The following CDH17 variants were observed in gnomAD, a reference collection of about 807,000 sequenced individuals.
CDH17 encodes cadherin 17, also known as cadherin-17.
In CDH17, 67 loss-of-function variants were observed where a neutral mutation model predicts 86.3. The observed-to-expected ratio is 0.78, with a 90% confidence interval of 0.64 to 0.95. CDH17 has a LOEUF of 0.95. Ranked by LOEUF, CDH17 falls within the 40% of genes least tolerant of loss-of-function variation. The pLI is 0.00. For missense variants in CDH17, 993 were observed against 1,017.6 expected (o/e 0.98, Z 0.33); for synonymous variants, 367 against 366.4 (o/e 1.00, Z -0.02).
chr8:94,190,585 AAG>A (rs1813669825), intron 2 of CDH17, among the ~76,000 whole-genome samples: 1 of 152,210 alleles, frequency 6.6e-6, no homozygotes, highest in South Asian at 2.1e-4. Context: ...TCAGGGGTGA[AAG>A]AGATTGAAAT....
chr8:94,151,152 C>T (rs868455880), intron 13 of CDH17, among the ~76,000 whole-genome samples: 3 of 151,992 alleles, frequency 2.0e-5, no homozygotes, highest in Non-Finnish European at 2.9e-5. Context: ...ACAACAGCAG[C>T]GAAAGATCTG....
intron 2 of CDH17, among the ~76,000 whole-genome samples, chr8:94,191,103 T>C (rs1813679710): frequency 6.6e-6 from 1 of 152,060 alleles, no homozygotes; most frequent in Non-Finnish European, 1.5e-5. Flanking sequence ...TTCTGGTTCA[T>C]GAAATGAGAG....
chr8:94,214,766 C>T (rs946667673), intron 1 of CDH17, among the ~76,000 whole-genome samples: 1 of 151,982 alleles, frequency 6.6e-6, no homozygotes, highest in African/African-American at 2.4e-5. Flanking sequence ...GACAAATGAA[C>T]TGTATCTAGA....
intron 15 of CDH17, among the ~76,000 whole-genome samples, chr8:94,133,277 T>C (rs1340873951): frequency 6.6e-6 from 1 of 152,194 alleles, no homozygotes; most frequent in Non-Finnish European, 1.5e-5. Context: ...TTCACGACAT[T>C]GATTCTTCCT....
At position 94,128,355 on chromosome 8, in the gene CDH17, C is replaced by G; in HGVS notation, c.2399-15G>C. 6.6e-7 allele frequency: 1 copy of G among 1,509,596 alleles called. No homozygotes were observed. The allele number at this position is 1,509,596 out of a possible 1,614,324, so 93.5% of individuals were successfully genotyped here. A position where few individuals can be genotyped will look rare whatever the true frequency, so the allele number is the denominator to read the frequency against. On this transcript the variant is annotated splice_polypyrimidine_tract_variant and intron_variant, in intron 17 of 17. Coordinates refer to ENST00000027335, the MANE Select transcript of CDH17 (RefSeq NM_004063.4). ...TAAAATTATACCTAAAAGAAAAAACCCAGGGTCAAATAAATGGGACCTTTT... is the reference window on the plus strand; with the variant it reads ...TAAAATTATACCTAAAAGAAAAAACGCAGGGTCAAATAAATGGGACCTTTT...
upstream of CDH17, among the ~76,000 whole-genome samples, chr8:94,212,002 G>A (rs1814128606): frequency 6.6e-6 from 1 of 152,194 alleles, no homozygotes; most frequent in African/African-American, 2.4e-5. Context: ...CACAGTTTTT[G>A]TTCCACATTT....
rs552607970 is a variant in CDH17 at position 94,195,255 on chromosome 8, G to A, written c.-20-550C>T. Among the ~76,000 whole-genome samples the A allele has an allele frequency of 5.9e-5, 9 of 152,170 alleles. No individual in the cohort carries two copies. The South Asian group carries it at 8.3e-4, about 14-fold the overall frequency. ...TGACTTCAGGTGATCTGCCTGCGTCGGCCTCCCAAAGTGCTGGGATTACAG... is the reference window on the plus strand; with the variant it reads ...TGACTTCAGGTGATCTGCCTGCGTCAGCCTCCCAAAGTGCTGGGATTACAG... On this transcript the variant is annotated intron_variant, in intron 1 of 17. Transcript: ENST00000027335.
At chr8:94,199,461 A>AT (rs5893273) in intron 1 of CDH17, among the ~76,000 whole-genome samples, 58,108 of 148,288 alleles carry the variant, frequency 0.39, 11,475 homozygotes, top group Non-Finnish European at 0.46. Context: ...TCTTGAACTA[A>AT]TTTTTTTTTT....
intron 3 of CDH17, among the ~76,000 whole-genome samples, chr8:94,183,493 A>C (rs890038485): frequency 6.6e-6 from 1 of 152,148 alleles, no homozygotes. Context: ...AAATGGTGCT[A>C]GAACAACTGG....
intron 14 of CDH17, 23 bp downstream of exon 14, chr8:94,148,714 TTTTTTTG>T (rs1812796429): frequency 1.4e-4 from 200 of 1,407,032 alleles, no homozygotes; most frequent in East Asian, 3.3e-4. Context: ...TGTGTTCCTT[TTTTTTTG>T]TTTTTTTTTT....
At chr8:94,160,804 C>T (rs1383570382) in intron 11 of CDH17, among the ~76,000 whole-genome samples, 2 of 152,176 alleles carry the variant, frequency 1.3e-5, no homozygotes, top group Non-Finnish European at 2.9e-5. Context: ...CAACAAAACA[C>T]CTTACGGAGT....
chr8:94,153,945 T>C (rs1812902645), intron 12 of CDH17, among the ~76,000 whole-genome samples: 1 of 152,166 alleles, frequency 6.6e-6, no homozygotes, highest in South Asian at 2.1e-4. Context: ...TTAGAAGGAA[T>C]GAGTTTAAAA....
chr8:94,148,550 A>AG (rs1355231325), intron 14 of CDH17, among the ~76,000 whole-genome samples, 194 bp downstream of exon 14: 87 of 139,816 alleles, frequency 6.2e-4, no homozygotes, highest in African/African-American at 2.5e-3. Flanking sequence ...TCAAAAAAAA[A>AG]AAAAAAAAAA....
intron 15 of CDH17, among the ~76,000 whole-genome samples, 189 bp from the exon 16 acceptor site, chr8:94,131,181 TA>T: frequency 6.6e-6 from 1 of 152,208 alleles, no homozygotes; most frequent in South Asian, 2.1e-4. Context: ...AAGCATCCTT[TA>T]AGTTCTTAAT....
intron 13 of CDH17, among the ~76,000 whole-genome samples, chr8:94,149,498 T>C (rs1393017492): frequency 6.6e-6 from 1 of 152,140 alleles, no homozygotes; most frequent in Non-Finnish European, 1.5e-5. Context: ...GGGGGCCCTA[T>C]GGAATCCAAG....
chr8:94,188,000 A>G (rs758712882), intron 3 of CDH17, among the ~76,000 whole-genome samples: 7 of 152,140 alleles, frequency 4.6e-5, no homozygotes, highest in Non-Finnish European at 7.4e-5. Flanking sequence ...GCTGGTACCA[A>G]TGAAAGAAAG....
intron 15 of CDH17, among the ~76,000 whole-genome samples, chr8:94,143,277 G>C (rs1458124480): frequency 6.6e-6 from 1 of 152,138 alleles, no homozygotes; most frequent in East Asian, 1.9e-4. Context: ...AATATGTTGA[G>C]AGGAATCTTT....
chr8:94,160,055 A>T lies in CDH17; in HGVS notation c.1467T>A (p.Tyr489Ter). ...EPFTGSSKILYHIIKGDSEGR... is the reference protein window; with the variant it reads ...EPFTGSSKIL ...CCTCACTGTCTCCCTTTATGATATG[A>T]TACAGAATTTTAGAACTCCCAGTAA... The change falls in exon 12 of 18, where the codon TAT (tyrosine) becomes TAA (stop). Residue 489 changes from tyrosine (Y) to a stop codon, truncating the protein, a stop_gained. Transcript: ENST00000027335. LOFTEE classifies it high-confidence loss of function. The T allele has an allele frequency of 1.2e-6, 2 of 1,613,874 alleles. No individual in the cohort carries two copies. The highest frequency in any genetic ancestry group is 2.2e-5 in the South Asian group (2 of 91,014).
intron 10 of CDH17, among the ~76,000 whole-genome samples, chr8:94,165,274 T>C (rs778032147): frequency 2.6e-5 from 4 of 152,164 alleles, no homozygotes; most frequent in African/African-American, 9.7e-5. Context: ...GCAGCAATTG[T>C]AAAGCTCATT....
Sources: gnomAD v4.1 joint callset for allele counts (sites outside exome capture counted in the v4.1 genomes callset) on GRCh38, gnomAD v4.1.1 for gene constraint, MANE v1.5 for transcripts, NCBI Gene and HGNC (gene_info 2026-07-23, HGNC 2026-07-21) for gene names.